The following ACVR1C variants were observed in gnomAD, a reference collection of about 807,000 sequenced individuals.
ACVR1C encodes the protein activin A receptor type 1C, also known as activin receptor type-1C.
In ACVR1C, 23 loss-of-function variants were observed where a neutral mutation model predicts 57.9. That is an observed-to-expected ratio of 0.40 (90% CI 0.29 to 0.56). ACVR1C has a LOEUF of 0.56. Among genes scored for constraint, ACVR1C ranks in the 20% least tolerant of loss-of-function variants. ACVR1C has a pLI of 0.50. For synonymous variants in ACVR1C, 214 were observed against 215.3 expected, an observed-to-expected ratio of 0.99 and a Z score of 0.05; for missense variants, 480 against 607.9, an observed-to-expected ratio of 0.79 and a Z score of 2.21.
At chr2:157,555,318 A>G (rs1688073933) in intron 3 of ACVR1C, among the ~76,000 whole-genome samples, 1 of 150,886 alleles carries the variant, frequency 6.6e-6, no homozygotes, top group African/African-American at 2.4e-5. Flanking sequence ...ACGGGGTTTC[A>G]CCTTGTTAGC....
chr2:157,590,849 A>G (rs1284962061), intron 1 of ACVR1C, among the ~76,000 whole-genome samples: 2 of 151,922 alleles, frequency 1.3e-5, no homozygotes, highest in African/African-American at 4.8e-5. Context: ...CAATCTTACA[A>G]ATCTGATTAT....
intron 1 of ACVR1C, among the ~76,000 whole-genome samples, chr2:157,627,268 T>C (rs1024001193): frequency 2.0e-5 from 3 of 151,856 alleles, no homozygotes; most frequent in Non-Finnish European, 4.4e-5. Context: ...GTTAGCAGAG[T>C]TTTCACCCAT....
chr2:157,543,278 A>C (rs1402644096), intron 5 of ACVR1C, among the ~76,000 whole-genome samples: 1 of 152,208 alleles, frequency 6.6e-6, no homozygotes, highest in Admixed American at 6.5e-5. Flanking sequence ...AGGTCCTTGC[A>C]ACTCTTTTCT....
chr2:157,628,669 C>A lies in ACVR1C; in HGVS notation c.-25G>T. ...TCGCCACCAGGCGGCCGCGCCGGGG[C>A]TGCGAGGCCCCAGAGCAGAGCGAGG... On this transcript the variant is annotated 5_prime_UTR_variant, in exon 1 of 9. Transcript: ENST00000243349. 1.3e-6 allele frequency: 2 copies of A among 1,543,800 alleles called. No individual in the cohort carries two copies. Among genetic ancestry groups the A allele is most frequent in the Non-Finnish European group, 1.7e-6 (2 of 1,146,966 alleles).
At chr2:157,622,723 C>T (rs566602653) in intron 1 of ACVR1C, among the ~76,000 whole-genome samples, 1 of 152,032 alleles carries the variant, frequency 6.6e-6, no homozygotes, top group African/African-American at 2.4e-5. Context: ...AATAGCCCAC[C>T]AGCACAGATG....
rs1472167357 is a variant in ACVR1C, at chr2:157,533,210, A to G, written c.*708T>C. 1.3e-5 allele frequency: 2 copies of G among 152,218 alleles called. No homozygotes were observed. Among genetic ancestry groups the G allele is most frequent in the African/African-American group, 4.8e-5 (2 of 41,460 alleles). 9.4% of individuals were successfully genotyped at this position (152,218 alleles called of 1,614,324 possible). On this transcript the variant is annotated 3_prime_UTR_variant, in exon 9 of 9. Transcript: ENST00000243349. ...ATTTGGACCTAGTGCCAGTTCTGCC[A>G]TTAGCTGTGTGACTTCAGGACATTT...
At chr2:157,581,442 G>T (rs913171795) in intron 2 of ACVR1C, among the ~76,000 whole-genome samples, 1 of 151,980 alleles carries the variant, frequency 6.6e-6, no homozygotes, top group African/African-American at 2.4e-5. Context: ...CTGATTAGGG[G>T]GCTTACAGAC....
intron 1 of ACVR1C, among the ~76,000 whole-genome samples, chr2:157,615,456 C>T (rs1573957310): frequency 6.6e-6 from 1 of 152,058 alleles, no homozygotes; most frequent in Non-Finnish European, 1.5e-5. Flanking sequence ...CTCACTGCAG[C>T]CTTGACCTCC....
chr2:157,573,840 G>C (rs1035753289), intron 2 of ACVR1C, among the ~76,000 whole-genome samples: 2 of 151,964 alleles, frequency 1.3e-5, no homozygotes, highest in African/African-American at 4.8e-5. Flanking sequence ...CAACAAAATG[G>C]GATTCCTTCA....
At chr2:157,573,154 T>C (rs1688563006) in intron 2 of ACVR1C, among the ~76,000 whole-genome samples, 1 of 152,236 alleles carries the variant, frequency 6.6e-6, no homozygotes, top group South Asian at 2.1e-4. Flanking sequence ...ATAAATTCGA[T>C]TTTAATGTTT....
chr2:157,538,492 A>C (rs995686136), intron 8 of ACVR1C, 81 bp downstream of exon 8: 71 of 1,290,016 alleles, frequency 5.5e-5, no homozygotes, highest in Non-Finnish European at 7.0e-5. Flanking sequence ...AATTGGAAAA[A>C]CTATATGGTC....
intron 2 of ACVR1C, among the ~76,000 whole-genome samples, chr2:157,582,585 A>T (rs1009574902): frequency 6.6e-6 from 1 of 152,220 alleles, no homozygotes; most frequent in African/African-American, 2.4e-5. Flanking sequence ...GATAACAGGC[A>T]TCTACAAAAA....
At chr2:157,565,256 A>G (rs1418539869) in intron 2 of ACVR1C, among the ~76,000 whole-genome samples, 1 of 152,226 alleles carries the variant, frequency 6.6e-6, no homozygotes, top group African/African-American at 2.4e-5. Context: ...AATTTGAAGT[A>G]GAATGGGCTA....
intron 2 of ACVR1C, among the ~76,000 whole-genome samples, chr2:157,566,211 T>C (rs1338250329): frequency 6.6e-6 from 1 of 152,202 alleles, no homozygotes; most frequent in Non-Finnish European, 1.5e-5. Flanking sequence ...AAGAAAGTCT[T>C]TGGAAGCAGC....
intron 8 of ACVR1C, among the ~76,000 whole-genome samples, chr2:157,537,913 A>G (rs1453060616): frequency 6.6e-6 from 1 of 152,204 alleles, no homozygotes; most frequent in Non-Finnish European, 1.5e-5. Context: ...TGGAGATGAC[A>G]AGATAAATAA....
chr2:157,555,010 A>AAAAAAT (rs772825211), intron 3 of ACVR1C, among the ~76,000 whole-genome samples: 2 of 151,900 alleles, frequency 1.3e-5, no homozygotes, highest in East Asian at 1.9e-4. Context: ...ATAAAAAAAT[A>AAAAAAT]AAAAATAAAA....
chr2:157,561,738 A>G (rs1015600406), intron 2 of ACVR1C, among the ~76,000 whole-genome samples: 2 of 152,236 alleles, frequency 1.3e-5, no homozygotes, highest in Admixed American at 6.5e-5. Flanking sequence ...CTGCCACTTC[A>G]CAGCATCCTA....
At chr2:157,607,394 G>C (rs1682426579) in intron 1 of ACVR1C, among the ~76,000 whole-genome samples, 1 of 150,982 alleles carries the variant, frequency 6.6e-6, no homozygotes, top group Non-Finnish European at 1.5e-5. Flanking sequence ...TTTGAAGTCA[G>C]TTAGGATAAT....
chr2:157,545,229 T>G (rs1687723529), intron 4 of ACVR1C, among the ~76,000 whole-genome samples: 1 of 152,208 alleles, frequency 6.6e-6, no homozygotes, highest in African/African-American at 2.4e-5. Context: ...AAGAAATTAC[T>G]CTAAAACTTT....
Sources: gnomAD v4.1 joint callset for allele counts (sites outside exome capture counted in the v4.1 genomes callset) on GRCh38, gnomAD v4.1.1 for gene constraint, MANE v1.5 for transcripts, NCBI Gene and HGNC (gene_info 2026-07-23, HGNC 2026-07-21) for gene names.